Variants in TTC39C observed in about 807,000 individuals in gnomAD.
The protein encoded by TTC39C is tetratricopeptide repeat domain 39C.
TTC39C carries 33 observed loss-of-function variants against 76.3 expected under a neutral mutation model. The ratio of observed to expected loss-of-function variants is 0.43; its 90% CI spans 0.33 to 0.58. TTC39C has a LOEUF of 0.58. Among genes scored for constraint, TTC39C ranks in the 20% least tolerant of loss-of-function variants. The pLI is 0.04. For missense variants in TTC39C, 595 were observed against 701.4 expected, an observed-to-expected ratio of 0.85 and a Z score of 1.71; for synonymous variants, 254 against 260.6, an observed-to-expected ratio of 0.97 and a Z score of 0.24.
intron 1 of TTC39C, among the ~76,000 whole-genome samples, chr18:24,035,820 T>C (rs893325690): frequency 2.0e-5 from 3 of 152,250 alleles, no homozygotes; most frequent in South Asian, 4.1e-4. Context: ...TGTTTTTGTG[T>C]GTGCCTTTGG....
At chr18:24,062,254 A>C (rs2084110492) in intron 1 of TTC39C, among the ~76,000 whole-genome samples, 1 of 152,244 alleles carries the variant, frequency 6.6e-6, no homozygotes, top group Admixed American at 6.5e-5. Flanking sequence ...AGCTTCCTTC[A>C]TTTTTCAAAT....
intron 6 of TTC39C, among the ~76,000 whole-genome samples, chr18:24,087,582 G>GTTTTTTTTTTTTT (rs142766325): frequency 1.6e-5 from 2 of 124,136 alleles, no homozygotes; most frequent in African/African-American, 2.7e-5. Flanking sequence ...TTTGAGAACT[G>GTTTTTTTTTTTTT]TTTTTTTTTT....
intron 6 of TTC39C, chr18:24,114,242 A>G: frequency 3.4e-6 from 1 of 290,294 alleles, no homozygotes; most frequent in African/African-American, 2.2e-5. Flanking sequence ...AGCCCTTACC[A>G]CCTGAGTGAA....
rs148246242 is a variant in TTC39C at position 24,043,574 on chromosome 18, A to G, written c.168-20566A>G. Among the ~76,000 whole-genome samples the G allele has an allele frequency of 3.2e-3, 493 of 152,292 alleles. 3 individuals are homozygous for G. Among genetic ancestry groups the G allele is most frequent in the African/African-American group, 0.011 (455 of 41,556 alleles). On this transcript the variant is annotated intron_variant, in intron 1 of 13. Coordinates refer to ENST00000317571, the MANE Select transcript of TTC39C (RefSeq NM_001135993.2). ...CCCCATGGGAGGCAGGGCGCCCTAC[A>G]TGTGTCTTGAAGCCCTTCTCGTCTG...
At chr18:24,079,752 AT>A (rs72531208) in intron 4 of TTC39C, among the ~76,000 whole-genome samples, 3 of 145,782 alleles carry the variant, frequency 2.1e-5, no homozygotes, top group Non-Finnish European at 1.5e-5. Flanking sequence ...TGCTTATTTT[AT>A]TTTTTTTTGG....
chr18:23,998,762 A>T (rs2083289269), intron 1 of TTC39C, among the ~76,000 whole-genome samples: 1 of 152,250 alleles, frequency 6.6e-6, no homozygotes, highest in South Asian at 2.1e-4. Flanking sequence ...GGTATATCTA[A>T]TTATTTCTCT....
intron 11 of TTC39C, among the ~76,000 whole-genome samples, chr18:24,129,603 G>A (rs925550050): frequency 4.0e-5 from 6 of 151,752 alleles, no homozygotes; most frequent in Admixed American, 6.6e-5. Flanking sequence ...GTGGAACCCC[G>A]TCTCTACTGA....
At chr18:24,112,328 A>G (rs937404167) in intron 6 of TTC39C, among the ~76,000 whole-genome samples, 6 of 152,048 alleles carry the variant, frequency 3.9e-5, no homozygotes, top group Non-Finnish European at 7.4e-5. Flanking sequence ...CTGCATACAC[A>G]CTCCCCGAAG....
In TTC39C at chr18:24,015,982, A is replaced by G. The variant is rs59873343; in HGVS notation, c.167+944A>G. Among the ~76,000 whole-genome samples the G allele has an allele frequency of 1.7e-3, 253 of 152,310 alleles. 1 individual carries two copies. Among genetic ancestry groups the G allele is most frequent in the African/African-American group, 5.6e-3 (232 of 41,558 alleles). On this transcript the variant is annotated intron_variant, in intron 1 of 13. Coordinates refer to ENST00000317571, the MANE Select transcript of TTC39C (RefSeq NM_001135993.2). ...GCTTTCCCCAACACGTTTAAGGACC[A>G]CATGCTTCACGCTATGGAGACCCTG...
At chr18:24,103,299 T>G (rs1391183970) in intron 6 of TTC39C, among the ~76,000 whole-genome samples, 2 of 152,266 alleles carry the variant, frequency 1.3e-5, no homozygotes, top group African/African-American at 4.8e-5. Context: ...TGAGTATTAT[T>G]GACTATAATT....
intron 1 of TTC39C, among the ~76,000 whole-genome samples, chr18:24,045,475 TA>T (rs1266997056): frequency 1.3e-5 from 2 of 152,240 alleles, no homozygotes; most frequent in South Asian, 2.1e-4. Flanking sequence ...AAGGCTGTAA[TA>T]AATACCCAAA....
At chr18:24,041,286 G>A (rs2083788965) in intron 1 of TTC39C, among the ~76,000 whole-genome samples, 2 of 152,182 alleles carry the variant, frequency 1.3e-5, no homozygotes, top group Admixed American at 1.3e-4. Flanking sequence ...TAGGAACTCA[G>A]TTATTTTCCC....
chr18:24,100,425 C>T (rs2084661098), intron 6 of TTC39C, among the ~76,000 whole-genome samples: 7 of 152,206 alleles, frequency 4.6e-5, no homozygotes, highest in Admixed American at 4.6e-4. Flanking sequence ...CCTTGCTTCC[C>T]TCCTCAGTGA....
intron 1 of TTC39C, among the ~76,000 whole-genome samples, chr18:24,047,115 A>G (rs2083894993): frequency 6.6e-6 from 1 of 151,534 alleles, no homozygotes; most frequent in African/African-American, 2.4e-5. Flanking sequence ...TTTTTTTGAG[A>G]TGGAGTCTCA....
At chr18:24,070,010 A>T (rs887861085) in intron 4 of TTC39C, among the ~76,000 whole-genome samples, 1 of 152,236 alleles carries the variant, frequency 6.6e-6, no homozygotes, top group Non-Finnish European at 1.5e-5. Context: ...ACTGTCAGAA[A>T]GATATTTTCT....
chr18:24,104,687 T>TC (rs2084722793), intron 6 of TTC39C, among the ~76,000 whole-genome samples: 1 of 121,308 alleles, frequency 8.2e-6, no homozygotes, highest in Admixed American at 8.9e-5. Context: ...GAGCAGGGTG[T>TC]TTGTGTGTGT....
chr18:24,092,155 A>C (rs1346353019), intron 6 of TTC39C, among the ~76,000 whole-genome samples: 1 of 151,232 alleles, frequency 6.6e-6, no homozygotes, highest in African/African-American at 2.4e-5. Flanking sequence ...ATCTGAAGAA[A>C]CATTTCTCCA....
intron 13 of TTC39C, 50 bp from the exon 14 acceptor site, chr18:24,132,435 G>T: frequency 6.4e-7 from 1 of 1,554,070 alleles, no homozygotes. Context: ...ACAGTACCCT[G>T]TGCAAGCTTA....
chr18:24,014,799 G>C lies in TTC39C; in HGVS notation c.-73G>C. The C allele has an allele frequency of 1.7e-6, 2 of 1,194,188 alleles. No individual in the cohort carries two copies. Among genetic ancestry groups the C allele is most frequent in the Non-Finnish European group, 2.1e-6 (2 of 959,378 alleles). The allele number at this position is 1,194,188 out of a possible 1,614,324, so 74.0% of individuals were successfully genotyped here. A position where few individuals can be genotyped will look rare whatever the true frequency, so the allele number is the denominator to read the frequency against. ...CTTGGCTCCGGGCAGGTAGAGCCGG[G>C]CTCCGGGCGCGCGCGGGGCCGCAGC... On this transcript the variant is annotated 5_prime_UTR_variant, in exon 1 of 14. Transcript: ENST00000317571.
Sources: gnomAD v4.1 joint callset for allele counts (sites outside exome capture counted in the v4.1 genomes callset) on GRCh38, gnomAD v4.1.1 for gene constraint, MANE v1.5 for transcripts, NCBI Gene and HGNC (gene_info 2026-07-23, HGNC 2026-07-21) for gene names.